The following RHBDD1 variants were observed in gnomAD, a reference collection of about 807,000 sequenced individuals.
RHBDD1 encodes rhomboid domain containing 1, also known as rhomboid-related protein 4.
RHBDD1 carries 38 observed loss-of-function variants against 36.3 expected under a neutral mutation model. The observed-to-expected ratio is 1.05, with a 90% CI of 0.81 to 1.37. RHBDD1 has a LOEUF of 1.37. RHBDD1 is among the 40% of genes most tolerant of loss of function. The probability of loss-of-function intolerance (pLI) is 0.00; values close to 1 mark genes in which losing one functional copy is unlikely to be tolerated. For missense variants in RHBDD1, 393 were observed against 377.6 expected, an observed-to-expected ratio of 1.04 and a Z score of -0.34; for synonymous variants, 151 against 136.5, an observed-to-expected ratio of 1.11 and a Z score of -0.74.
intron 3 of RHBDD1, among the ~76,000 whole-genome samples, chr2:226,858,088 G>T (rs1204421213): frequency 1.3e-5 from 2 of 152,090 alleles, no homozygotes. Flanking sequence ...AGCATAAATA[G>T]GTTAAGCATC....
chr2:226,806,449 C>G, the RHBDD1 span, among the ~76,000 whole-genome samples: 7 of 152,254 alleles, frequency 4.6e-5, no homozygotes, highest in African/African-American at 1.7e-4. Context: ...AGCCACTGAT[C>G]GGCCTATCTC....
the RHBDD1 span, among the ~76,000 whole-genome samples, chr2:226,825,312 A>C: frequency 6.6e-6 from 1 of 152,222 alleles, no homozygotes; most frequent in African/African-American, 2.4e-5. Flanking sequence ...ATGTAAAAAA[A>C]AATTAAAAGG....
Position 226,864,905 on chromosome 2 carries a change from C to G in RHBDD1, c.212C>G (p.Ser71Cys). The change falls in exon 4 of 9, where the codon TCT (serine) becomes TGT (cysteine). Residue 71 changes from serine (S) to cysteine (C), a missense_variant. Coordinates refer to ENST00000392062, the MANE Select transcript of RHBDD1 (RefSeq NM_001167608.3). The stretch of plus-strand genomic sequence containing the variant: ...AAAGACTGGCAGCGTTTACTGCTCT[C>G]TCCCCTTCACCATGCTGATGATTGG... ...QQKDWQRLLL[S>C]PLHHADDWHL... The G allele has an allele frequency of 6.2e-7, 1 of 1,614,238 alleles. No homozygotes were observed. Among genetic ancestry groups the G allele is most frequent in the Non-Finnish European group, 8.5e-7 (1 of 1,180,038 alleles).
At chr2:226,912,747 T>G (rs572080157) in intron 7 of RHBDD1, among the ~76,000 whole-genome samples, 9 of 152,242 alleles carry the variant, frequency 5.9e-5, no homozygotes, top group African/African-American at 2.2e-4. Context: ...ACAGATTTCT[T>G]TTTGGGGATG....
intron 8 of RHBDD1, among the ~76,000 whole-genome samples, chr2:226,961,971 G>A (rs749361370): frequency 3.3e-5 from 5 of 152,228 alleles, no homozygotes; most frequent in East Asian, 3.9e-4. Flanking sequence ...TCAGTCTGTC[G>A]TTCCTAATGC....
At chr2:226,937,463 A>C (rs1950403060) in intron 8 of RHBDD1, among the ~76,000 whole-genome samples, 1 of 152,068 alleles carries the variant, frequency 6.6e-6, no homozygotes, top group South Asian at 2.1e-4. Flanking sequence ...TCAGGGGTAC[A>C]TGTGCAGGAA....
At chr2:226,927,608 T>C (rs1197489233) in intron 8 of RHBDD1, among the ~76,000 whole-genome samples, 2 of 152,092 alleles carry the variant, frequency 1.3e-5, no homozygotes, top group Non-Finnish European at 2.9e-5. Flanking sequence ...ATATGAGAGT[T>C]CCAGTTGCTC....
intron 8 of RHBDD1, among the ~76,000 whole-genome samples, chr2:226,957,972 G>T (rs1284178278): frequency 6.6e-6 from 1 of 152,004 alleles, no homozygotes; most frequent in Non-Finnish European, 1.5e-5. Flanking sequence ...TAGCTGCTTT[G>T]GACAATAGTC....
rs188596520 is a variant in RHBDD1, at chr2:226,998,710, C to T, written c.*3188C>T. The T allele has an allele frequency of 2.9e-4, 44 of 152,276 alleles. No homozygotes were observed. The highest frequency in any genetic ancestry group is 9.1e-4 in the African/African-American group (38 of 41,554). The allele number at this position is 152,276 out of a possible 1,614,324, so 9.4% of individuals were successfully genotyped here. A position where few individuals can be genotyped will look rare whatever the true frequency, so the allele number is the denominator to read the frequency against. On this transcript the variant is annotated 3_prime_UTR_variant, in exon 9 of 9. Transcript: ENST00000392062. Reference sequence around the variant, plus strand: ...CTCCTCACTCAATTCTACATAACTCCAGCTTAGTCTTCCAAAATTCACTTT... The same window carrying T: ...CTCCTCACTCAATTCTACATAACTCTAGCTTAGTCTTCCAAAATTCACTTT...
chr2:226,834,787 A>AT (rs1017425640), upstream of RHBDD1, among the ~76,000 whole-genome samples: 1,204 of 147,730 alleles, frequency 8.1e-3, 12 homozygotes, highest in African/African-American at 0.024. Flanking sequence ...AAATAGTAAG[A>AT]TTTTTTTTTT....
At chr2:226,917,456 C>T (rs1271935026) in intron 8 of RHBDD1, among the ~76,000 whole-genome samples, 5 of 151,994 alleles carry the variant, frequency 3.3e-5, no homozygotes, top group Non-Finnish European at 7.4e-5. Context: ...CTATAAGACT[C>T]GCTTGGTGAG....
chr2:226,859,718 G>A lies in RHBDD1; in HGVS notation c.-90-4886G>A, dbSNP rs115214829. ...GGAGCATAGTGACTGATGCAGAGACGAGCTTGAGATGAGACCATAGTGGCG... is the reference window on the plus strand; with the variant it reads ...GGAGCATAGTGACTGATGCAGAGACAAGCTTGAGATGAGACCATAGTGGCG... On this transcript the variant is annotated intron_variant, in intron 3 of 8. Coordinates refer to ENST00000392062, the MANE Select transcript of RHBDD1 (RefSeq NM_001167608.3). Among the ~76,000 whole-genome samples the A allele has an allele frequency of 6.8e-3, 1,040 of 152,252 alleles. 9 individuals are homozygous for A. The highest frequency in any genetic ancestry group is 0.022 in the African/African-American group (903 of 41,538).
intron 8 of RHBDD1, among the ~76,000 whole-genome samples, chr2:226,935,825 T>C (rs767809598): frequency 6.6e-6 from 1 of 152,112 alleles, no homozygotes; most frequent in Non-Finnish European, 1.5e-5. Context: ...AACAGCTATA[T>C]AAAGCAGATC....
chr2:226,931,849 G>C (rs1011706658), intron 8 of RHBDD1, among the ~76,000 whole-genome samples: 1 of 148,176 alleles, frequency 6.7e-6, no homozygotes, highest in Non-Finnish European at 1.5e-5. Context: ...ATGAATTTCA[G>C]AAGAAGCTTG....
intron 8 of RHBDD1, among the ~76,000 whole-genome samples, chr2:226,968,646 T>C (rs1353922650): frequency 6.6e-6 from 1 of 152,194 alleles, no homozygotes; most frequent in African/African-American, 2.4e-5. Context: ...ATTGAATGTT[T>C]GCGCACTCTC....
intron 5 of RHBDD1, among the ~76,000 whole-genome samples, chr2:226,883,700 A>G (rs952996382): frequency 1.3e-5 from 2 of 152,188 alleles, no homozygotes; most frequent in Non-Finnish European, 2.9e-5. Flanking sequence ...GCGAGACTTG[A>G]GTACTATGTT....
chr2:226,960,916 AC>A (rs1424328116), intron 8 of RHBDD1, among the ~76,000 whole-genome samples: 1 of 152,158 alleles, frequency 6.6e-6, no homozygotes, highest in African/African-American at 2.4e-5. Context: ...TTGCTAACTG[AC>A]CTTCATTTGA....
intron 8 of RHBDD1, among the ~76,000 whole-genome samples, chr2:226,940,737 C>A (rs896553906): frequency 6.6e-6 from 1 of 152,098 alleles, no homozygotes; most frequent in Non-Finnish European, 1.5e-5. Context: ...ATATCTGACA[C>A]GTTGGTTTCA....
In RHBDD1 at chr2:226,906,814, G is replaced by A; in HGVS notation, c.588G>A (p.Leu196=). ...FSPGTSFAGH[L]AGILVGLMYT... is the part of the protein sequence containing the mutation. Reference sequence around the variant, plus strand: ...CTAGGACTTCCTTCGCTGGGCATCTGGCTGGGATTCTTGTTGGACTAATGT... The same window carrying A: ...CTAGGACTTCCTTCGCTGGGCATCTAGCTGGGATTCTTGTTGGACTAATGT... Residue 196 remains leucine, a synonymous_variant, in exon 6 of 9, where the codon CTG becomes CTA. Coordinates refer to ENST00000392062, the MANE Select transcript of RHBDD1 (RefSeq NM_001167608.3). The A allele has an allele frequency of 6.2e-7, 1 of 1,614,096 alleles. No individual in the cohort carries two copies. Among genetic ancestry groups the A allele is most frequent in the South Asian group, 1.1e-5 (1 of 91,084 alleles).
Sources: gnomAD v4.1 joint callset for allele counts (sites outside exome capture counted in the v4.1 genomes callset) on GRCh38, gnomAD v4.1.1 for gene constraint, MANE v1.5 for transcripts, NCBI Gene and HGNC (gene_info 2026-07-23, HGNC 2026-07-21) for gene names.